JPH1: variants seen among roughly 807,000 people sequenced by gnomAD.
JPH1 encodes the protein junctophilin-1.
Under a neutral mutation model 53.6 loss-of-function variants are expected in JPH1, and 12 were observed. That is an observed-to-expected ratio of 0.22 (90% CI 0.14 to 0.36). The LOEUF (loss-of-function observed/expected upper bound fraction) is 0.36. Among genes scored for constraint, JPH1 ranks in the 10% least tolerant of loss-of-function variants. The pLI, the probability that JPH1 is intolerant of heterozygous loss-of-function variation, is 1.00. For missense variants in JPH1, 808 were observed against 905.5 expected, an observed-to-expected ratio of 0.89 and a Z score of 1.38; for synonymous variants, 375 against 363.8, an observed-to-expected ratio of 1.03 and a Z score of -0.35.
At chr8:74,255,303 C>T (rs1192901207) in intron 3 of JPH1, among the ~76,000 whole-genome samples, 3 of 151,976 alleles carry the variant, frequency 2.0e-5, no homozygotes, top group Non-Finnish European at 4.4e-5. Context: ...GAAAGGATTC[C>T]CTATTTAATA....
chr8:74,259,428 C>T lies in JPH1; in HGVS notation c.1215G>A (p.Ala405=), dbSNP rs368705057. 34 of 1,613,794 alleles carry T rather than the reference C, an allele frequency of 2.1e-5. No individual in the cohort carries two copies. The highest frequency in any genetic ancestry group is 2.7e-5 in the African/African-American group (2 of 74,954). Residue 405 remains alanine (A), a synonymous_variant, in exon 3 of 6, where the codon GCG becomes GCA. Transcript: ENST00000342232. ...ALAARQECDI[A]RAVARELSPD... ...GTGACAGCTCCCTGGCCACAGCTCT[C>T]GCGATGTCGCACTCCTGGCGAGCGG...
chr8:74,301,213 T>C (rs771148018), intron 2 of JPH1, among the ~76,000 whole-genome samples: 1 of 152,132 alleles, frequency 6.6e-6, no homozygotes, highest in Non-Finnish European at 1.5e-5. Flanking sequence ...CCTCCGGTCC[T>C]GGCCCCACTT....
In JPH1 at chr8:74,296,019, G is replaced by GACACAC. The variant is rs59881666; in HGVS notation, c.1139+18836_1139+18841dup. Among the ~76,000 whole-genome samples the GACACAC allele has an allele frequency of 4.0e-4, 55 of 136,578 alleles. 1 individual carries two copies. The highest frequency in any genetic ancestry group is 1.2e-3 in the Admixed American group (16 of 13,864). The allele number at this position is 136,578 out of a possible 152,430, so 89.6% of individuals were successfully genotyped here. The stretch of plus-strand genomic sequence containing the variant: ...CCTGGTATGTAGCAATCTCAGTAAG[G>GACACAC]ACACACACACACACACACACACACA... On this transcript the variant is annotated intron_variant, in intron 2 of 5. Transcript: ENST00000342232.
At chr8:74,266,744 A>G (rs975976358) in intron 2 of JPH1, among the ~76,000 whole-genome samples, 5 of 152,222 alleles carry the variant, frequency 3.3e-5, no homozygotes, top group Non-Finnish European at 7.3e-5. Context: ...TACTATTTAC[A>G]GAGCATCTTA....
chr8:74,291,820 T>A (rs1807334811), intron 2 of JPH1, among the ~76,000 whole-genome samples: 1 of 152,158 alleles, frequency 6.6e-6, no homozygotes, highest in African/African-American at 2.4e-5. Context: ...ATGTGGCACA[T>A]ATACACCATG....
At chr8:74,296,725 C>A (rs186092678) in intron 2 of JPH1, among the ~76,000 whole-genome samples, 1 of 152,248 alleles carries the variant, frequency 6.6e-6, no homozygotes, top group East Asian at 1.9e-4. Flanking sequence ...AATCCCTCTT[C>A]CCTTTCTCAA....
intron 3 of JPH1, among the ~76,000 whole-genome samples, chr8:74,251,713 T>C (rs1332243780): frequency 6.6e-6 from 1 of 152,216 alleles, no homozygotes; most frequent in African/African-American, 2.4e-5. Flanking sequence ...GCTATGTTTT[T>C]TCTTTAGTTT....
chr8:74,257,099 C>T (rs980054675), intron 3 of JPH1, among the ~76,000 whole-genome samples: 1 of 152,112 alleles, frequency 6.6e-6, no homozygotes, highest in Non-Finnish European at 1.5e-5. Flanking sequence ...CAATAATACC[C>T]GCGACAGAAA....
rs1808295340 is a variant in JPH1 at position 74,320,810 on chromosome 8, G to A, written c.379+99C>T. On this transcript the variant is annotated intron_variant, in intron 1 of 5. Transcript: ENST00000342232. This position sits in a 1 kb window ranked among gnomAD's most constrained non-coding sequence, Gnocchi z 4.4. ...CCCCCAGGTGTTTTGGCGGGTTTCC[G>A]GACACGTGCGCCCGGCGTCCTCCCC... is the stretch of plus-strand genomic sequence containing the variant. 1.5e-6 allele frequency: 2 copies of A among 1,342,854 alleles called. No individual in the cohort carries two copies. Among genetic ancestry groups the A allele is most frequent in the Non-Finnish European group, 9.7e-7 (1 of 1,035,980 alleles). The allele number at this position is 1,342,854 out of a possible 1,614,324, so 83.2% of individuals were successfully genotyped here.
intron 4 of JPH1, among the ~76,000 whole-genome samples, chr8:74,241,303 G>A (rs202139753): frequency 1.3e-5 from 2 of 152,088 alleles, no homozygotes; most frequent in East Asian, 1.9e-4. Context: ...TATATACCTA[G>A]GCACAGGATA....
At chr8:74,279,334 C>T (rs192630859) in intron 2 of JPH1, among the ~76,000 whole-genome samples, 1 of 152,160 alleles carries the variant, frequency 6.6e-6, no homozygotes. Context: ...TGAAAATAAA[C>T]AAGAGGTAAA....
intron 2 of JPH1, among the ~76,000 whole-genome samples, chr8:74,299,391 T>C (rs997413448): frequency 1.3e-5 from 2 of 152,142 alleles, no homozygotes; most frequent in Non-Finnish European, 2.9e-5. Context: ...AACTATAACC[T>C]AAATGGAGTT....
chr8:74,252,392 C>T (rs533352184), intron 3 of JPH1, among the ~76,000 whole-genome samples: 26 of 152,008 alleles, frequency 1.7e-4, no homozygotes, highest in African/African-American at 5.3e-4. Context: ...GGCAACCTAC[C>T]GAATGGGAGA....
intron 2 of JPH1, among the ~76,000 whole-genome samples, chr8:74,307,422 A>C (rs567095538): frequency 3.3e-5 from 5 of 152,342 alleles, no homozygotes; most frequent in African/African-American, 1.2e-4. Flanking sequence ...TGGGTATTTC[A>C]ACCAAGCGTC....
At chr8:74,268,716 T>C (rs1199954951) in intron 2 of JPH1, among the ~76,000 whole-genome samples, 2 of 152,196 alleles carry the variant, frequency 1.3e-5, no homozygotes, top group Non-Finnish European at 2.9e-5. Flanking sequence ...TTTGTTCACA[T>C]ATCAGTGTTG....
In JPH1 at chr8:74,321,426, TC is replaced by T; in HGVS notation, c.-140del. On this transcript the variant is annotated 5_prime_UTR_variant, in exon 1 of 6. Coordinates refer to ENST00000342232, the MANE Select transcript of JPH1 (RefSeq NM_020647.4). The surrounding 1 kb of genome is among the most constrained non-coding windows in gnomAD (Gnocchi z 4.3). ...TGGGCAGCTCGCGCTGCCGCTCGGC[TC>T]CAGTCCGACGCCGCCCCCGTCCTCC... is the stretch of plus-strand genomic sequence containing the variant. 1.2e-6 allele frequency: 1 copy of T among 804,104 alleles called. No homozygotes were observed. The highest frequency in any genetic ancestry group is 1.8e-6 in the Non-Finnish European group (1 of 570,248). 49.8% of individuals were successfully genotyped at this position (804,104 alleles called of 1,614,324 possible).
At chr8:74,276,967 T>C (rs142634409) in intron 2 of JPH1, among the ~76,000 whole-genome samples, 2 of 152,372 alleles carry the variant, frequency 1.3e-5, no homozygotes, top group Non-Finnish European at 2.9e-5. Context: ...GACCATACCA[T>C]GTAACAAGTG....
rs1339665594 is a variant in JPH1 at position 74,321,441 on chromosome 8, C to A, written c.-154G>T. On this transcript the variant is annotated 5_prime_UTR_variant, in exon 1 of 6. Coordinates refer to ENST00000342232, the MANE Select transcript of JPH1 (RefSeq NM_020647.4). This position sits in a 1 kb window ranked among gnomAD's most constrained non-coding sequence, Gnocchi z 4.3. Reference sequence around the variant, plus strand: ...GCCGCTCGGCTCCAGTCCGACGCCGCCCCCGTCCTCCCTCCTCTTTTGCCG... The same window carrying A: ...GCCGCTCGGCTCCAGTCCGACGCCGACCCCGTCCTCCCTCCTCTTTTGCCG... 4.7e-6 allele frequency: 3 copies of A among 632,888 alleles called. No individual in the cohort carries two copies. Among genetic ancestry groups the A allele is most frequent in the Non-Finnish European group, 7.2e-6 (3 of 417,618 alleles). The allele number at this position is 632,888 out of a possible 1,614,324, so 39.2% of individuals were successfully genotyped here. A position where few individuals can be genotyped will look rare whatever the true frequency, so the allele number is the denominator to read the frequency against.
chr8:74,239,369 C>T (rs1332356844), intron 4 of JPH1, among the ~76,000 whole-genome samples: 1 of 152,132 alleles, frequency 6.6e-6, no homozygotes, highest in Non-Finnish European at 1.5e-5. Flanking sequence ...AGATACAGGC[C>T]TTAGTTTAAA....
Sources: allele counts gnomAD v4.1 joint callset (sites outside exome capture counted in the v4.1 genomes callset), GRCh38; gene constraint gnomAD v4.1.1; non-coding constraint Gnocchi (gnomAD v3.1); transcripts MANE v1.5; gene names NCBI Gene and HGNC (gene_info 2026-07-23, HGNC 2026-07-21).